Variants in BTBD7 observed in about 807,000 individuals in gnomAD.
BTBD7 encodes the protein BTB/POZ domain-containing protein 7.
Under a neutral mutation model 99.9 loss-of-function variants are expected in BTBD7, and 38 were observed. That is an observed-to-expected ratio of 0.38 (90% CI 0.29 to 0.50). BTBD7 has a LOEUF of 0.50. Ranked by LOEUF, BTBD7 falls within the 20% of genes least tolerant of loss-of-function variation. The pLI is 0.93. For synonymous variants in BTBD7, 520 were observed against 511.4 expected, an observed-to-expected ratio of 1.02 and a Z score of -0.23; for missense variants, 1,170 against 1,394.6, an observed-to-expected ratio of 0.84 and a Z score of 2.57.
chr14:93,294,295 T>C lies in BTBD7; in HGVS notation c.725A>G (p.Asp242Gly). 1 of 1,614,126 alleles carries C rather than the reference T, an allele frequency of 6.2e-7. No homozygotes were observed. The highest frequency in any genetic ancestry group is 1.6e-4 in the Middle Eastern group (1 of 6,062). The change falls in exon 3 of 11, where the codon GAT becomes GGT. Residue 242 changes from aspartate (D) to glycine (G), a missense_variant. Asp to Gly is a moderately conservative substitution (Grantham distance 94). Around this residue, in one of 4 missense-constraint regions of BTBD7, gnomAD observed 359 missense variants for 497.9 expected, o/e 0.72. Transcript: ENST00000334746. ...SLDVDMRGLF[D>G]YMCYYDVVLS... Reference sequence around the variant, plus strand: ...GACGACATCATAATAACACATGTAATCAAAGAGTCCACGCATATCTACATC... The same window carrying C: ...GACGACATCATAATAACACATGTAACCAAAGAGTCCACGCATATCTACATC...
intron 1 of BTBD7, among the ~76,000 whole-genome samples, chr14:93,316,746 A>G (rs1388918001): frequency 6.6e-6 from 1 of 152,234 alleles, no homozygotes; most frequent in Non-Finnish European, 1.5e-5. Context: ...CTGACACAGT[A>G]ATTGAGCAGA....
chr14:93,276,468 G>A (rs903099032), intron 3 of BTBD7, among the ~76,000 whole-genome samples: 2 of 152,070 alleles, frequency 1.3e-5, no homozygotes, highest in African/African-American at 4.8e-5. Context: ...ATACCATGTT[G>A]AATTCTGTTC....
intron 3 of BTBD7, among the ~76,000 whole-genome samples, chr14:93,289,762 G>C (rs748021043): frequency 6.6e-6 from 1 of 151,014 alleles, no homozygotes; most frequent in Non-Finnish European, 1.5e-5. Flanking sequence ...AGTTGAGGCC[G>C]TTATCTACTT....
intron 3 of BTBD7, among the ~76,000 whole-genome samples, chr14:93,273,586 T>A (rs1050936291): frequency 2.6e-5 from 4 of 152,228 alleles, no homozygotes; most frequent in African/African-American, 7.2e-5. Context: ...GGATATTTGG[T>A]TGGCTTAGCT....
intron 3 of BTBD7, among the ~76,000 whole-genome samples, chr14:93,269,174 TA>T (rs1371986244): frequency 1.3e-5 from 2 of 152,224 alleles, no homozygotes; most frequent in South Asian, 2.1e-4. Context: ...CTCAAAAATG[TA>T]AAAGGAAGAC....
intron 3 of BTBD7, among the ~76,000 whole-genome samples, chr14:93,280,491 C>A (rs1408006303): frequency 6.6e-6 from 1 of 152,180 alleles, no homozygotes; most frequent in Non-Finnish European, 1.5e-5. Context: ...TTTTTTGGCA[C>A]TACTTTCAGA....
rs1438596275 is a variant in BTBD7, at chr14:93,239,965, C to T, written c.*2308G>A. Reference sequence around the variant, plus strand: ...TTGCAGTACCGGCGCAGTACATGAACATGTCAACATACATATGTGGCAGAA... The same window carrying T: ...TTGCAGTACCGGCGCAGTACATGAATATGTCAACATACATATGTGGCAGAA... On this transcript the variant is annotated 3_prime_UTR_variant, in exon 11 of 11. Transcript: ENST00000334746. 6.6e-6 allele frequency: 1 copy of T among 152,076 alleles called. No individual in the cohort carries two copies. The highest frequency in any genetic ancestry group is 2.1e-4 in the South Asian group (1 of 4,816). The allele number at this position is 152,076 out of a possible 1,614,324, so 9.4% of individuals were successfully genotyped here.
chr14:93,287,962 AT>A (rs1566850121), intron 3 of BTBD7: 1 of 152,618 alleles, frequency 6.6e-6, no homozygotes, highest in South Asian at 2.1e-4. Flanking sequence ...CTTACACTTG[AT>A]TGACTGTTTG....
At chr14:93,331,784 G>C (rs918501356) in intron 1 of BTBD7, among the ~76,000 whole-genome samples, 2 of 151,790 alleles carry the variant, frequency 1.3e-5, no homozygotes, top group African/African-American at 4.9e-5. Context: ...GGGAGGCTGA[G>C]ACAGGAGAAT....
At chr14:93,288,945 T>A (rs1052288658) in intron 3 of BTBD7, among the ~76,000 whole-genome samples, 1 of 152,186 alleles carries the variant, frequency 6.6e-6, no homozygotes, top group African/African-American at 2.4e-5. Context: ...CTGTGCCACA[T>A]CCCTACCCTC....
At chr14:93,312,613 C>T (rs2053150662) in intron 1 of BTBD7, among the ~76,000 whole-genome samples, 1 of 152,108 alleles carries the variant, frequency 6.6e-6, no homozygotes, top group African/African-American at 2.4e-5. Flanking sequence ...GACATCTGAG[C>T]CCCCAACCTG....
At chr14:93,289,925 C>T (rs886994612) in intron 3 of BTBD7, among the ~76,000 whole-genome samples, 3 of 142,836 alleles carry the variant, frequency 2.1e-5, no homozygotes, top group Admixed American at 7.4e-5. Flanking sequence ...GCTGTGATCT[C>T]GACTTACTGC....
chr14:93,243,816 G>A (rs182649218), intron 10 of BTBD7, among the ~76,000 whole-genome samples: 1 of 152,218 alleles, frequency 6.6e-6, no homozygotes, highest in African/African-American at 2.4e-5. Context: ...ACCTTTAAAG[G>A]GAGTTTTATT....
chr14:93,246,112 G>A lies in BTBD7; in HGVS notation c.2296C>T (p.His766Tyr), dbSNP rs1190550295. The change falls in exon 10 of 11, where the codon CAC becomes TAC. Residue 766 changes from histidine (H) to tyrosine (Y), a missense_variant. Physicochemically the swap from His to Tyr is moderately conservative, Grantham distance 83 (BLOSUM62 2). This residue lies in a region of BTBD7 where 495 missense variants were observed against 525.9 expected (regional missense o/e 0.94). Coordinates refer to ENST00000334746, the MANE Select transcript of BTBD7 (RefSeq NM_001002860.4). ...TTATGGATTGGGGTAGCTGGGGGGT[G>A]GTAGGGAGGTGGTGGAGGGGGCAAG... ...PPLPPPPPPYHPPATPIHNQL... is the reference protein window; with the variant it reads ...PPLPPPPPPYYPPATPIHNQL... 6.6e-7 allele frequency: 1 copy of A among 1,507,968 alleles called. No homozygotes were observed. The highest frequency in any genetic ancestry group is 2.6e-5 in the East Asian group (1 of 38,930). 93.4% of individuals were successfully genotyped at this position (1,507,968 alleles called of 1,614,324 possible).
At chr14:93,284,514 CA>C (rs2052756028) in intron 3 of BTBD7, among the ~76,000 whole-genome samples, 1 of 150,494 alleles carries the variant, frequency 6.6e-6, no homozygotes, top group African/African-American at 2.4e-5. Flanking sequence ...AAAAATAATT[CA>C]AAACATGTAA....
intron 10 of BTBD7, 150 bp downstream of exon 10, chr14:93,245,675 T>C: frequency 7.1e-7 from 1 of 1,408,130 alleles, no homozygotes; most frequent in Non-Finnish European, 9.5e-7. Context: ...CGTTTTTCCC[T>C]CTTTTCCATA....
intron 3 of BTBD7, among the ~76,000 whole-genome samples, chr14:93,265,343 C>T (rs1053333395): frequency 6.6e-6 from 1 of 152,154 alleles, no homozygotes; most frequent in Admixed American, 6.5e-5. Flanking sequence ...CATAGAGAAC[C>T]GTATAACTTC....
rs2052175148 is a variant in BTBD7 at position 93,237,566 on chromosome 14, T to G, written c.*4707A>C. On this transcript the variant is annotated 3_prime_UTR_variant, in exon 11 of 11. Coordinates refer to ENST00000334746, the MANE Select transcript of BTBD7 (RefSeq NM_001002860.4). ...CTCAGCAGATTCTATACAAGCCATT[T>G]ATTTGAAATGCCAACTATATGTAGG... 6.6e-6 allele frequency: 1 copy of G among 152,654 alleles called. No individual in the cohort carries two copies. Among genetic ancestry groups the G allele is most frequent in the African/African-American group, 2.4e-5 (1 of 41,460 alleles). 9.5% of individuals were successfully genotyped at this position (152,654 alleles called of 1,614,324 possible). A position where few individuals can be genotyped will look rare whatever the true frequency, so the allele number is the denominator to read the frequency against.
intron 1 of BTBD7, among the ~76,000 whole-genome samples, chr14:93,322,580 A>G (rs903602350): frequency 2.6e-5 from 4 of 152,240 alleles, no homozygotes; most frequent in Non-Finnish European, 5.9e-5. Context: ...AAAAGTTGAA[A>G]TTCAAAGAGC....
Sources: allele counts gnomAD v4.1 joint callset (sites outside exome capture counted in the v4.1 genomes callset), GRCh38; gene constraint gnomAD v4.1.1; regional missense constraint gnomAD v4.1.1; transcripts MANE v1.5; gene names NCBI Gene and HGNC (gene_info 2026-07-23, HGNC 2026-07-21).